The following PHF19 variants were observed in gnomAD, a reference collection of about 807,000 sequenced individuals.
PHF19 encodes the protein PHD finger protein 19, also known as polycomb like 3.
A neutral mutation model predicts 79.8 loss-of-function variants in PHF19; 21 were observed. The ratio of observed to expected loss-of-function variants is 0.26; its 90% CI spans 0.19 to 0.38. PHF19 has a LOEUF of 0.38. Among genes scored for constraint, PHF19 ranks in the 10% least tolerant of loss-of-function variants. PHF19 has a pLI of 1.00. For missense variants in PHF19, 445 were observed against 744.2 expected, an observed-to-expected ratio of 0.60 and a Z score of 4.68; for synonymous variants, 273 against 296.3, an observed-to-expected ratio of 0.92 and a Z score of 0.81.
chr9:120,868,027 C>G (rs1349706904), intron 6 of PHF19, among the ~76,000 whole-genome samples: 1 of 152,138 alleles, frequency 6.6e-6, no homozygotes, highest in Non-Finnish European at 1.5e-5. Context: ...GCCCCGCCCC[C>G]CGGCCCCCTA....
chr9:120,899,578 T>C (rs935562515), upstream of PHF19, among the ~76,000 whole-genome samples: 1 of 152,122 alleles, frequency 6.6e-6, no homozygotes, highest in African/African-American at 2.4e-5. Context: ...GCTTCTGCAA[T>C]TGGCATCCTT....
intron 1 of PHF19, among the ~76,000 whole-genome samples, chr9:120,890,849 T>G (rs1204527467): frequency 3.9e-5 from 6 of 152,232 alleles, no homozygotes; most frequent in African/African-American, 9.6e-5. Flanking sequence ...CCAGAGGGTC[T>G]GCCTAACTTC....
At chr9:120,873,479 T>A (rs1171360229) in intron 3 of PHF19, among the ~76,000 whole-genome samples, 1 of 152,220 alleles carries the variant, frequency 6.6e-6, no homozygotes, top group African/African-American at 2.4e-5. Flanking sequence ...CTGGCTCACC[T>A]CTGCTTTATT....
chr9:120,862,522 G>T lies in PHF19; in HGVS notation c.1130+66C>A. ...GACTGGCTGGGTGCAGGTCCTCCTT[G>T]CTTGCTTGGAAGCAGAGAAACCGAG... On this transcript the variant is annotated intron_variant, in intron 11 of 14. Transcript: ENST00000373896. This position sits in a 1 kb window ranked among gnomAD's most constrained non-coding sequence, Gnocchi z 4.6. 6.8e-7 allele frequency: 1 copy of T among 1,464,470 alleles called. No homozygotes were observed. The allele number at this position is 1,464,470 out of a possible 1,614,324, so 90.7% of individuals were successfully genotyped here.
rs1220981904 is a variant in PHF19 at position 120,877,119 on chromosome 9, T to C, written c.-44A>G. On this transcript the variant is annotated 5_prime_UTR_variant, in exon 1 of 15. Transcript: ENST00000373896. ...GAGGCTGCGTGTCCGCCGGTCCCAC[T>C]TGGAGTCTGGCCACCAGGCGCATCG... The C allele has an allele frequency of 6.1e-6, 6 of 985,002 alleles. No homozygotes were observed. In the African/African-American group the frequency reaches 8.8e-5, roughly 14 times the overall value. The allele number at this position is 985,002 out of a possible 1,614,324, so 61.0% of individuals were successfully genotyped here.
chr9:120,864,872 G>A (rs972045381), intron 9 of PHF19, among the ~76,000 whole-genome samples: 2 of 152,014 alleles, frequency 1.3e-5, no homozygotes, highest in Admixed American at 6.5e-5. Flanking sequence ...TTTCTGGGTG[G>A]CGTGATATGG....
chr9:120,873,495 T>C (rs2045961905), intron 3 of PHF19, among the ~76,000 whole-genome samples: 2 of 152,260 alleles, frequency 1.3e-5, no homozygotes, highest in South Asian at 4.1e-4. Flanking sequence ...TTATTGGTTT[T>C]TCTCCCATTC....
chr9:120,858,582 C>T (rs1020083004), intron 14 of PHF19, among the ~76,000 whole-genome samples: 3 of 152,076 alleles, frequency 2.0e-5, no homozygotes, highest in Non-Finnish European at 2.9e-5. Flanking sequence ...AGGATTCAAA[C>T]GTAAGAACGT....
At chr9:120,859,231 CTTT>C (rs59695692) in intron 14 of PHF19, among the ~76,000 whole-genome samples, 1 of 104,992 alleles carries the variant, frequency 9.5e-6, no homozygotes, top group African/African-American at 3.3e-5. Context: ...TACCATTGTC[CTTT>C]TTTTTTTTTT....
intron 1 of PHF19, among the ~76,000 whole-genome samples, chr9:120,886,905 T>C (rs2046270747): frequency 1.3e-5 from 2 of 151,618 alleles, no homozygotes; most frequent in Non-Finnish European, 1.5e-5. Flanking sequence ...CTGTCTCTAC[T>C]AAAAATACAA....
Position 120,869,258 on chromosome 9 carries a change from G to A in PHF19, c.538C>T (p.Pro180Ser). 2 of 1,612,840 alleles carry A rather than the reference G, an allele frequency of 1.2e-6. No homozygotes were observed. Among genetic ancestry groups the A allele is most frequent in the Non-Finnish European group, 1.7e-6 (2 of 1,179,698 alleles). The change falls in exon 6 of 15, where the codon CCC (proline) becomes TCC (serine). Residue 180 changes from proline (P) to serine (S), a missense_variant. By Grantham distance (74) the Pro-to-Ser change is moderately conservative (BLOSUM62 -1). Transcript: ENST00000373896. This position sits in a 1 kb window ranked among gnomAD's most constrained non-coding sequence, Gnocchi z 5.8. ...QAVKMVLSYQ[P>S]EELEWDSPHR... Reference sequence around the variant, plus strand: ...GGCGAGTCCCACTCGAGCTCCTCGGGCTGGTAGGACAGCACCATCTTCACG... The same window carrying A: ...GGCGAGTCCCACTCGAGCTCCTCGGACTGGTAGGACAGCACCATCTTCACG...
intron 6 of PHF19, among the ~76,000 whole-genome samples, chr9:120,867,552 TG>T (rs1253695900): frequency 6.6e-6 from 1 of 152,238 alleles, no homozygotes; most frequent in Non-Finnish European, 1.5e-5. Context: ...GCAGATTCCT[TG>T]GTCCACTGCA....
chr9:120,900,887 G>A, the PHF19 span, among the ~76,000 whole-genome samples: 1 of 152,212 alleles, frequency 6.6e-6, no homozygotes, highest in Admixed American at 6.5e-5. Context: ...TAATGAGTAT[G>A]TGTCTCTTAC....
At position 120,862,610 on chromosome 9, in the gene PHF19, T is replaced by C. The variant is rs748554998; in HGVS notation, c.1108A>G (p.Lys370Glu). 9.5e-5 allele frequency: 154 copies of C among 1,613,792 alleles called. No homozygotes were observed. Among genetic ancestry groups the C allele is most frequent in the Non-Finnish European group, 1.1e-4 (128 of 1,179,986 alleles). The stretch of plus-strand genomic sequence containing the variant: ...GACCCAGGCTTGCTCTTTCCTCTCT[T>C]ACGCAGCTCAGAGGAGGCGCTGTTC... ...NENSASSELR[K>E]RGKSKPGLLP... The change falls in exon 11 of 15, where the codon AAG becomes GAG. Residue 370 changes from lysine to glutamate, a missense_variant. Around this residue, in one of 5 missense-constraint regions of PHF19, gnomAD observed 83 missense variants for 85.5 expected, o/e 0.97. Transcript: ENST00000373896. The surrounding 1 kb of genome is among the most constrained non-coding windows in gnomAD (Gnocchi z 4.6).
intron 1 of PHF19, among the ~76,000 whole-genome samples, chr9:120,886,177 C>T (rs2046260125): frequency 6.6e-6 from 1 of 152,218 alleles, no homozygotes; most frequent in African/African-American, 2.4e-5. Flanking sequence ...GGAGAGAGCC[C>T]AGCTGTGTGG....
At chr9:120,892,970 C>G (rs748118556) in intron 1 of PHF19, among the ~76,000 whole-genome samples, 14 of 152,170 alleles carry the variant, frequency 9.2e-5, no homozygotes, top group African/African-American at 4.8e-5. Context: ...CCTGCCATTT[C>G]CTAGCGACTG....
upstream of PHF19, among the ~76,000 whole-genome samples, chr9:120,897,332 A>G (rs1026728606): frequency 1.3e-5 from 2 of 152,238 alleles, no homozygotes; most frequent in African/African-American, 4.8e-5. Context: ...GATGGGAGTC[A>G]GGGAGGAAGT....
rs529117132 is a variant in PHF19, at chr9:120,861,299, C to T, written c.1219-125G>A. 1,452 of 727,488 alleles carry T rather than the reference C, an allele frequency of 2.0e-3. 20 individuals are homozygous for T. The African/African-American group carries it at 0.021, about 11-fold the overall frequency. The allele number at this position is 727,488 out of a possible 1,614,324, so 45.1% of individuals were successfully genotyped here. A position where few individuals can be genotyped will look rare whatever the true frequency, so the allele number is the denominator to read the frequency against. ...GGCCCTCCCTAGGGTAAGACCATCA[C>T]CTTTATTCCAAGTCCTGACCAGGGA... On this transcript the variant is annotated intron_variant, in intron 12 of 14. Transcript: ENST00000373896.
chr9:120,871,855 G>T (rs10818478), intron 3 of PHF19, among the ~76,000 whole-genome samples: 9,687 of 151,266 alleles, frequency 0.064, 366 homozygotes, highest in Admixed American at 0.076. Context: ...CTGCCCAATA[G>T]GGTGACACCC....
Sources: allele counts gnomAD v4.1 joint callset (sites outside exome capture counted in the v4.1 genomes callset), GRCh38; gene constraint gnomAD v4.1.1; regional missense constraint gnomAD v4.1.1; non-coding constraint Gnocchi (gnomAD v3.1); transcripts MANE v1.5; gene names NCBI Gene and HGNC (gene_info 2026-07-23, HGNC 2026-07-21).